The following CNTFR variants were observed in gnomAD, a reference collection of about 807,000 sequenced individuals.
The protein encoded by CNTFR is ciliary neurotrophic factor receptor subunit alpha.
Under a neutral mutation model 40.4 loss-of-function variants are expected in CNTFR, and 12 were observed. The ratio of observed to expected loss-of-function variants is 0.30; its 90% CI spans 0.19 to 0.48. The LOEUF (loss-of-function observed/expected upper bound fraction) is 0.48. CNTFR is among the 20% of genes least tolerant of loss of function. CNTFR has a pLI of 0.99. For missense variants in CNTFR, 414 were observed against 506.8 expected, an observed-to-expected ratio of 0.82 and a Z score of 1.76; for synonymous variants, 202 against 209.6, an observed-to-expected ratio of 0.96 and a Z score of 0.31.
At chr9:34,577,527 C>A (rs1040479348) in intron 2 of CNTFR, among the ~76,000 whole-genome samples, 3 of 152,148 alleles carry the variant, frequency 2.0e-5, no homozygotes, top group African/African-American at 7.2e-5. Context: ...ACAAATGAAG[C>A]CAGGCTTTGG....
In CNTFR at chr9:34,557,521, C is replaced by A; in HGVS notation, c.604+5G>T. 1 of 1,611,122 alleles carries A rather than the reference C, an allele frequency of 6.2e-7. No homozygotes were observed. The highest frequency in any genetic ancestry group is 8.5e-7 in the Non-Finnish European group (1 of 1,177,392). ...GCAGCAGGTCCCCCCAACCGCCACA[C>A]GTACCAATGGTGAACTCGTCAAAGG... On this transcript the variant is annotated splice_donor_5th_base_variant and intron_variant, in intron 6 of 9. Transcript: ENST00000378980. This position sits in a 1 kb window ranked among gnomAD's most constrained non-coding sequence, Gnocchi z 4.2.
Position 34,557,993 on chromosome 9 carries a change from G to A in CNTFR, c.320-9C>T, listed in dbSNP as rs1406935834. On this transcript the variant is annotated splice_polypyrimidine_tract_variant and intron_variant, in intron 4 of 9. Transcript: ENST00000378980. The surrounding 1 kb of genome is among the most constrained non-coding windows in gnomAD (Gnocchi z 4.2). The stretch of plus-strand genomic sequence containing the variant: ...AGGCTCCCGCGGCGGCACTGGGGGT[G>A]AGGACAGTATGGTCAGGGCATTCTT... 6.5e-7 allele frequency: 1 copy of A among 1,532,434 alleles called. No homozygotes were observed. Among genetic ancestry groups the A allele is most frequent in the Non-Finnish European group, 8.8e-7 (1 of 1,137,926 alleles). The allele number at this position is 1,532,434 out of a possible 1,614,324, so 94.9% of individuals were successfully genotyped here. A position where few individuals can be genotyped will look rare whatever the true frequency, so the allele number is the denominator to read the frequency against.
intron 1 of CNTFR, among the ~76,000 whole-genome samples, chr9:34,587,043 T>A (rs1453090684): frequency 1.3e-5 from 2 of 152,212 alleles, no homozygotes; most frequent in East Asian, 3.8e-4. Flanking sequence ...AGTGTCACGG[T>A]CTAATGTCCA....
rs1263035087 is a variant in CNTFR at position 34,557,385 on chromosome 9, A to G, written c.604+141T>C. 1 of 860,970 alleles carries G rather than the reference A, an allele frequency of 1.2e-6. No individual in the cohort carries two copies. Among genetic ancestry groups the G allele is most frequent in the Non-Finnish European group, 1.8e-6 (1 of 553,956 alleles). The allele number at this position is 860,970 out of a possible 1,614,324, so 53.3% of individuals were successfully genotyped here. On this transcript the variant is annotated intron_variant, in intron 6 of 9. Transcript: ENST00000378980. This position sits in a 1 kb window ranked among gnomAD's most constrained non-coding sequence, Gnocchi z 4.2. ...ATGTCATGCATATATGTGCACATAT[A>G]TGTGCACTGTACATACCTGTGCAGA...
chr9:34,552,340 TG>T lies in CNTFR; in HGVS notation c.950-12del, dbSNP rs1825665257. The T allele has an allele frequency of 2.6e-6, 4 of 1,533,520 alleles. No homozygotes were observed. The highest frequency in any genetic ancestry group is 3.5e-6 in the Non-Finnish European group (4 of 1,144,952). 95.0% of individuals were successfully genotyped at this position (1,533,520 alleles called of 1,614,324 possible). On this transcript the variant is annotated splice_polypyrimidine_tract_variant and intron_variant, in intron 8 of 9. Transcript: ENST00000378980. This position sits in a 1 kb window ranked among gnomAD's most constrained non-coding sequence, Gnocchi z 5.1. ...TGCTGGTCGTGGTCTCTGGGGAACA[TG>T]GGGGAAACTCAGGGCAAGGCCAGGG...
chr9:34,590,156 ACG>A (rs201362540), upstream of CNTFR: 7 of 148,568 alleles, frequency 4.7e-5, no homozygotes, highest in South Asian at 2.2e-4. Flanking sequence ...GGTCTCGCAA[ACG>A]CGCGCGCGCA....
At chr9:34,559,715 C>T (rs1471653738) in intron 4 of CNTFR, among the ~76,000 whole-genome samples, 1 of 152,046 alleles carries the variant, frequency 6.6e-6, no homozygotes, top group Admixed American at 6.5e-5. Flanking sequence ...AAGGACATTC[C>T]GAGGTCGGCC....
At position 34,552,809 on chromosome 9, in the gene CNTFR, C is replaced by T. The variant is rs370773350; in HGVS notation, c.814G>A (p.Ala272Thr). ...ACCTGGATAATGTACTCCTTCCCGG[C>T]GTAGGCATCTGTGATGGTGTGTGCT... ...GTAHTITDAY[A>T]GKEYIIQVAA... The change falls in exon 8 of 10, where the codon GCC (alanine) becomes ACC (threonine). Residue 272 changes from alanine to threonine, a missense_variant. Coordinates refer to ENST00000378980, the MANE Select transcript of CNTFR (RefSeq NM_147164.3). The surrounding 1 kb of genome is among the most constrained non-coding windows in gnomAD (Gnocchi z 5.1). The T allele has an allele frequency of 4.2e-5, 67 of 1,613,460 alleles. No homozygotes were observed. The highest frequency in any genetic ancestry group is 5.3e-5 in the Non-Finnish European group (62 of 1,179,956).
chr9:34,564,550 G>T, intron 4 of CNTFR, 49 bp downstream of exon 4: 1 of 1,502,978 alleles, frequency 6.7e-7, no homozygotes, highest in Non-Finnish European at 9.1e-7. Flanking sequence ...TAGGAGTCTG[G>T]GTCTCAAGGA....
intron 2 of CNTFR, among the ~76,000 whole-genome samples, chr9:34,574,146 G>A (rs941457903): frequency 1.3e-5 from 2 of 151,838 alleles, no homozygotes; most frequent in African/African-American, 4.8e-5. Flanking sequence ...GGGGTGGGGG[G>A]ACCAGGCCGA....
At chr9:34,559,061 G>A (rs1367816426) in intron 4 of CNTFR, among the ~76,000 whole-genome samples, 1 of 152,130 alleles carries the variant, frequency 6.6e-6, no homozygotes, top group Non-Finnish European at 1.5e-5. Flanking sequence ...GCGGCTCCAG[G>A]GACACTGACA....
rs975767060 is a variant in CNTFR at position 34,569,107 on chromosome 9, C to A, written c.1-126G>T. The A allele has an allele frequency of 3.5e-5, 29 of 839,298 alleles. No individual in the cohort carries two copies. In the African/African-American group the frequency reaches 4.6e-4, roughly 13 times the overall value. The allele number at this position is 839,298 out of a possible 1,614,324, so 52.0% of individuals were successfully genotyped here. On this transcript the variant is annotated intron_variant, in intron 2 of 9. Coordinates refer to ENST00000378980, the MANE Select transcript of CNTFR (RefSeq NM_147164.3). Reference sequence around the variant, plus strand: ...CCCTAGGGCCCTGGAGAGGCCCTCACCCGCTCTGCTTTCACCCAACCCGAC... The same window carrying A: ...CCCTAGGGCCCTGGAGAGGCCCTCAACCGCTCTGCTTTCACCCAACCCGAC...
chr9:34,555,804 A>C (rs1487939469), intron 7 of CNTFR, among the ~76,000 whole-genome samples: 1 of 151,972 alleles, frequency 6.6e-6, no homozygotes, highest in Non-Finnish European at 1.5e-5. Context: ...ACAAGCCCAG[A>C]GCCTGGGCCA....
intron 2 of CNTFR, among the ~76,000 whole-genome samples, chr9:34,580,696 ATTCTGGAC>A (rs1827247737): frequency 6.6e-6 from 1 of 152,142 alleles, no homozygotes; most frequent in Non-Finnish European, 1.5e-5. Context: ...GCCTCAGAAG[ATTCTGGAC>A]TTTCTGACCT....
At chr9:34,566,928 G>A (rs1826326089) in intron 3 of CNTFR, among the ~76,000 whole-genome samples, 1 of 152,080 alleles carries the variant, frequency 6.6e-6, no homozygotes, top group Admixed American at 6.6e-5. Context: ...AGGGCAGAAC[G>A]AAAAAATGAC....
At chr9:34,558,638 A>C (rs1564059975) in intron 4 of CNTFR, among the ~76,000 whole-genome samples, 2 of 152,156 alleles carry the variant, frequency 1.3e-5, no homozygotes, top group Non-Finnish European at 2.9e-5. Flanking sequence ...GTGAATCTGC[A>C]TGTCTATGTA....
rs536863342 is a variant in CNTFR, at chr9:34,557,100, G to T, written c.604+426C>A. ...GGCAGGTAGAGGGTCTGGCTGGGATGGGGGGGGTCAGGGGGAGGGCAGTAT... is the reference window on the plus strand; with the variant it reads ...GGCAGGTAGAGGGTCTGGCTGGGATTGGGGGGGTCAGGGGGAGGGCAGTAT... On this transcript the variant is annotated intron_variant, in intron 6 of 9. Coordinates refer to ENST00000378980, the MANE Select transcript of CNTFR (RefSeq NM_147164.3). The surrounding 1 kb of genome is among the most constrained non-coding windows in gnomAD (Gnocchi z 4.2). 5.5e-5 allele frequency among the ~76,000 whole-genome samples: 6 copies of T among 109,078 alleles called. No individual in the cohort carries two copies. The highest frequency in any genetic ancestry group is 7.8e-5 in the Non-Finnish European group (4 of 51,256). 71.6% of individuals were successfully genotyped at this position (109,078 alleles called of 152,430 possible).
At chr9:34,576,489 C>T (rs1826969383) in intron 2 of CNTFR, among the ~76,000 whole-genome samples, 1 of 152,228 alleles carries the variant, frequency 6.6e-6, no homozygotes, top group Admixed American at 6.5e-5. Context: ...TGTGCCAGCA[C>T]CTCAGGTTGC....
intron 2 of CNTFR, among the ~76,000 whole-genome samples, chr9:34,577,209 C>T (rs934873696): frequency 6.6e-6 from 1 of 152,226 alleles, no homozygotes; most frequent in African/African-American, 2.4e-5. Context: ...AGGCCCCAGC[C>T]CAGGAAAGAT....
Sources: gnomAD v4.1 joint callset for allele counts (sites outside exome capture counted in the v4.1 genomes callset) on GRCh38, gnomAD v4.1.1 for gene constraint, Gnocchi (gnomAD v3.1) non-coding constraint, MANE v1.5 for transcripts, NCBI Gene and HGNC (gene_info 2026-07-23, HGNC 2026-07-21) for gene names.